The following ZNF280C variants were observed in gnomAD, a reference collection of about 807,000 sequenced individuals.
ZNF280C encodes zinc finger protein 280C, also known as suppressor of hairy wing homolog 3.
A neutral mutation model predicts 53.6 loss-of-function variants in ZNF280C; 14 were observed. The ratio of observed to expected loss-of-function variants is 0.26; its 90% CI spans 0.17 to 0.41. The LOEUF (loss-of-function observed/expected upper bound fraction) is 0.41, where lower values mean the gene tolerates loss of function less well. ZNF280C is among the 10% of genes least tolerant of loss of function. ZNF280C has a pLI of 1.00. For synonymous variants in ZNF280C, 203 were observed against 181.1 expected, an observed-to-expected ratio of 1.12 and a Z score of -0.97; for missense variants, 416 against 547.1, an observed-to-expected ratio of 0.76 and a Z score of 2.39.
chrX:130,211,430 A>T (rs1047965678), intron 15 of ZNF280C, among the ~76,000 whole-genome samples: 2 of 112,287 alleles, frequency 1.8e-5, no homozygotes, highest in African/African-American at 6.5e-5. Context: ...CTGTCTTCTC[A>T]TAAGAGTTGG....
chrX:130,209,387 T>C (rs1354947601), intron 16 of ZNF280C, among the ~76,000 whole-genome samples: 2 of 112,238 alleles, frequency 1.8e-5, no homozygotes, highest in Non-Finnish European at 3.8e-5. Flanking sequence ...ATTTCAAGTA[T>C]TATGGTATTT....
chrX:130,222,277 CA>C (rs2032174121), intron 12 of ZNF280C, among the ~76,000 whole-genome samples: 2 of 5,861 alleles, frequency 3.4e-4, no homozygotes, highest in African/African-American at 1.3e-3. Context: ...ATTCAGACAC[CA>C]CACACACACA....
chrX:130,207,520 G>A (rs776628779), intron 16 of ZNF280C, among the ~76,000 whole-genome samples: 3 of 110,618 alleles, frequency 2.7e-5, no homozygotes, highest in Middle Eastern at 4.6e-3. Flanking sequence ...CACCATGCCC[G>A]GCTAATTTTT....
At chrX:130,246,789 A>G in intron 3 of ZNF280C, 70 bp downstream of exon 3, 1 of 1,115,391 alleles carries the variant, frequency 9.0e-7, no homozygotes, top group Non-Finnish European at 1.2e-6. Context: ...TGAAGGACAG[A>G]TATCTCATAT....
intron 13 of ZNF280C, among the ~76,000 whole-genome samples, chrX:130,218,791 GATCACCAC>G (rs1355836561): frequency 6.3e-5 from 7 of 111,611 alleles, no homozygotes. Context: ...TATATCACTG[GATCACCAC>G]ATAGGTTAAA....
intron 12 of ZNF280C, among the ~76,000 whole-genome samples, chrX:130,223,075 T>C (rs772498418): frequency 1.3e-4 from 14 of 111,331 alleles, no homozygotes; most frequent in Non-Finnish European, 2.3e-4. Context: ...AATTTTTTTT[T>C]CTTTTGAGAC....
In ZNF280C at chrX:130,216,073, A is replaced by T. The variant is rs750394363; in HGVS notation, c.1556T>A (p.Leu519His). 1.7e-6 allele frequency: 2 copies of T among 1,209,908 alleles called. No homozygotes were observed. Among genetic ancestry groups the T allele is most frequent in the South Asian group, 3.5e-5 (2 of 56,629 alleles). Residue 519 changes from leucine (L) to histidine (H), a missense_variant, in exon 14 of 19, where the codon CTC (leucine) becomes CAC (histidine). Coordinates refer to ENST00000370978, the MANE Select transcript of ZNF280C (RefSeq NM_017666.5). ...AGGTGCAGTTGGTAATTTTGACTGG[A>T]GAGGTCCAAGTGAAGCTCGAATAGT... ...KVTIRASLGP[L>H]QSKLPTAPFG...
Position 130,220,899 on chromosome X carries a change from T to C in ZNF280C, c.1396-419A>G, listed in dbSNP as rs763035206. 4.5e-5 allele frequency among the ~76,000 whole-genome samples: 5 copies of C among 110,914 alleles called. No individual in the cohort carries two copies. In the South Asian group the frequency reaches 1.1e-3, roughly 25 times the overall value. ...GGTTAGTGTTCTGTCTACTATACAA[T>C]TGCCATCTTTATGCATATGTTCTTA... On this transcript the variant is annotated intron_variant, in intron 12 of 18. Transcript: ENST00000370978.
chrX:130,210,113 C>T (rs771454287), intron 15 of ZNF280C, among the ~76,000 whole-genome samples: 2 of 112,017 alleles, frequency 1.8e-5, no homozygotes, highest in African/African-American at 6.5e-5. Context: ...GCACCTTGAT[C>T]GTGGACTTTC....
intron 15 of ZNF280C, among the ~76,000 whole-genome samples, chrX:130,210,927 T>TA (rs1047409969): frequency 2.7e-5 from 3 of 112,266 alleles, no homozygotes; most frequent in African/African-American, 9.7e-5. Context: ...ACTGCAAACA[T>TA]AGTGAACTAA....
chrX:130,232,966 T>A (rs997491838), intron 8 of ZNF280C, among the ~76,000 whole-genome samples: 1 of 111,173 alleles, frequency 9.0e-6, no homozygotes, highest in African/African-American at 3.3e-5. Context: ...TACAAATGGA[T>A]GAGGAGGATG....
At chrX:130,220,243 GCTTT>G (rs2032149507) in intron 13 of ZNF280C, 102 bp downstream of exon 13, 6 of 725,251 alleles carry the variant, frequency 8.3e-6, no homozygotes, top group Admixed American at 4.0e-5. Context: ...GCCCTAGTGA[GCTTT>G]CTAACACTAG....
rs754518389 is a variant in ZNF280C at position 130,230,559 on chromosome X, T to A, written c.940A>T (p.Thr314Ser). 68 of 1,208,449 alleles carry A rather than the reference T, an allele frequency of 5.6e-5. 3 individuals are homozygous for A. In the Admixed American group the frequency reaches 1.2e-3, roughly 21 times the overall value. The part of the protein sequence containing the change: ...GVTEKEPKTY[T>S]TFKCFSCSKV... ...GAGCAACTGAAGCATTTAAAGGTTGTGTAAGTCTTTGGCTCTTTCTCAGTG... is the reference window on the plus strand; with the variant it reads ...GAGCAACTGAAGCATTTAAAGGTTGAGTAAGTCTTTGGCTCTTTCTCAGTG... The change falls in exon 9 of 19, where the codon ACA becomes TCA. Residue 314 changes from threonine to serine, a missense_variant. By Grantham distance (58) the Thr-to-Ser change is moderately conservative. This residue lies in a region of ZNF280C where 72 missense variants were observed against 168.8 expected (regional missense o/e 0.43). Transcript: ENST00000370978.
rs576282812 is a variant in ZNF280C at position 130,235,058 on chromosome X, A to C, written c.771+1156T>G. Among the ~76,000 whole-genome samples, 8 of 111,680 alleles carry C rather than the reference A, an allele frequency of 7.2e-5. No homozygotes were observed. The South Asian group carries it at 3.0e-3, about 42-fold the overall frequency. On this transcript the variant is annotated intron_variant, in intron 8 of 18. Coordinates refer to ENST00000370978, the MANE Select transcript of ZNF280C (RefSeq NM_017666.5). ...AATAAGGTTTTCACAGGGTAATGCG[A>C]CATGGATATGTCACCATGGGCAAAA...
chrX:130,219,723 T>C (rs2032142626), intron 13 of ZNF280C, among the ~76,000 whole-genome samples: 1 of 109,228 alleles, frequency 9.2e-6, no homozygotes, highest in South Asian at 4.0e-4. Flanking sequence ...TAAATATAAT[T>C]CCTGATCTTA....
At chrX:130,216,554 G>T (rs1603240229) in intron 13 of ZNF280C, among the ~76,000 whole-genome samples, 1 of 111,993 alleles carries the variant, frequency 8.9e-6, no homozygotes, top group East Asian at 2.8e-4. Context: ...AGTCACCAGG[G>T]AAATGCAAAT....
intron 8 of ZNF280C, among the ~76,000 whole-genome samples, chrX:130,234,073 A>G (rs1397039065): frequency 8.9e-6 from 1 of 111,867 alleles, no homozygotes; most frequent in Non-Finnish European, 1.9e-5. Flanking sequence ...TCTCCTACCA[A>G]TGAATATACA....
At chrX:130,242,697 G>A (rs1439864657) in intron 5 of ZNF280C, among the ~76,000 whole-genome samples, 1 of 111,351 alleles carries the variant, frequency 9.0e-6, no homozygotes, top group Non-Finnish European at 1.9e-5. Context: ...GCGCCAACAC[G>A]CCTGGCTAAT....
At chrX:130,239,537 A>G in intron 6 of ZNF280C, 45 bp downstream of exon 6, 1 of 809,317 alleles carries the variant, frequency 1.2e-6, no homozygotes, top group Non-Finnish European at 1.8e-6. Flanking sequence ...TGTATATTCG[A>G]CAAGTCTCTT....
Sources: gnomAD v4.1 joint callset for allele counts (sites outside exome capture counted in the v4.1 genomes callset) on GRCh38, gnomAD v4.1.1 for gene constraint, gnomAD v4.1.1 regional missense constraint, MANE v1.5 for transcripts, NCBI Gene and HGNC (gene_info 2026-07-23, HGNC 2026-07-21) for gene names.